Variants in TEX9 observed in about 807,000 individuals in gnomAD.
TEX9 encodes the protein testis expressed 9, also known as testis-expressed protein 9.
Under a neutral mutation model 59.6 loss-of-function variants are expected in TEX9, and 74 were observed. The ratio of observed to expected loss-of-function variants is 1.24; its 90% CI spans 1.03 to 1.51. The LOEUF is 1.51. TEX9 is among the 40% of genes most tolerant of loss of function. TEX9 has a pLI of 0.00. For synonymous variants in TEX9, 186 were observed against 152.2 expected (o/e 1.22, Z -1.64); for missense variants, 522 against 447.8 (o/e 1.17, Z -1.49).
At chr15:56,318,770 A>C (rs2045836205) in intron 1 of TEX9, among the ~76,000 whole-genome samples, 1 of 152,140 alleles carries the variant, frequency 6.6e-6, no homozygotes, top group Admixed American at 6.5e-5. Context: ...ATACCATTGT[A>C]ATTTTAATAG....
rs11852483 is a variant in TEX9, at chr15:56,272,852, A to G, written c.-107+28574A>G. On this transcript the variant is annotated intron_variant, in intron 1 of 5. Transcript: ENST00000560827. ...TCATCTTGCTAGTTGTCTGCTATTT[A>G]TGTAATTTGTCCTTTATTCTCTTTC... 2.3e-3 allele frequency among the ~76,000 whole-genome samples: 353 copies of G among 152,086 alleles called. 1 individual carries two copies. Among genetic ancestry groups the G allele is most frequent in the Non-Finnish European group, 3.8e-3 (259 of 67,978 alleles).
intron 1 of TEX9, among the ~76,000 whole-genome samples, chr15:56,245,235 G>A (rs1434413549): frequency 3.9e-5 from 6 of 152,162 alleles, no homozygotes; most frequent in African/African-American, 1.4e-4. Context: ...TTTGTCCACT[G>A]TGCCCTCTCT....
upstream of TEX9, among the ~76,000 whole-genome samples, chr15:56,361,499 G>A (rs1192849186): frequency 6.6e-6 from 1 of 151,956 alleles, no homozygotes; most frequent in East Asian, 1.9e-4. Context: ...TATTTTGTGG[G>A]TGTCCAGCTG....
intron 1 of TEX9, among the ~76,000 whole-genome samples, chr15:56,312,046 C>T (rs1218804404): frequency 6.6e-6 from 1 of 151,356 alleles, no homozygotes; most frequent in African/African-American, 2.4e-5. Context: ...GGATATTAGC[C>T]CTTTGTCAGA....
chr15:56,339,244 G>A (rs1337509993), intron 1 of TEX9, among the ~76,000 whole-genome samples: 6 of 151,334 alleles, frequency 4.0e-5, no homozygotes, highest in African/African-American at 1.5e-4. Flanking sequence ...TTAGCCGGGT[G>A]TGGTGGTGTG....
chr15:56,291,360 A>T (rs2045085795), intron 1 of TEX9, among the ~76,000 whole-genome samples: 1 of 152,198 alleles, frequency 6.6e-6, no homozygotes, highest in Non-Finnish European at 1.5e-5. Flanking sequence ...TACCTTGTGG[A>T]GACCTCTTAC....
intron 2 of TEX9, among the ~76,000 whole-genome samples, chr15:56,371,461 A>ATT (rs11336443): frequency 1.9e-3 from 283 of 148,944 alleles, no homozygotes; most frequent in African/African-American, 6.7e-3. Context: ...TTCTAAGTGC[A>ATT]TTTTTTTTTT....
chr15:56,443,993 G>C, intron 12 of TEX9: 1 of 686,012 alleles, frequency 1.5e-6, no homozygotes, highest in Non-Finnish European at 2.3e-6. Flanking sequence ...AATGCTTACT[G>C]TGTGCTAAAT....
intron 9 of TEX9, among the ~76,000 whole-genome samples, chr15:56,409,314 T>C (rs1228202085): frequency 6.6e-6 from 1 of 152,132 alleles, no homozygotes; most frequent in East Asian, 1.9e-4. Context: ...AAGTAAAGCT[T>C]ACAAGGTTCA....
chr15:56,444,794 G>C lies in TEX9; in HGVS notation c.*30-877G>C, dbSNP rs2050879978. On this transcript the variant is annotated intron_variant, in intron 12 of 12. Transcript: ENST00000352903. ...TTACATAAAATAAATTTTTTCATCT[G>C]TCTAGGTTAAAAAGCAAAAGTAAGT... 4.4e-6 allele frequency: 4 copies of C among 913,710 alleles called. No individual in the cohort carries two copies. In the South Asian group the frequency reaches 7.1e-5, roughly 16 times the overall value. 56.6% of individuals were successfully genotyped at this position (913,710 alleles called of 1,614,324 possible). A position where few individuals can be genotyped will look rare whatever the true frequency, so the allele number is the denominator to read the frequency against.
At chr15:56,301,138 C>T (rs577794400) in intron 1 of TEX9, among the ~76,000 whole-genome samples, 4 of 152,006 alleles carry the variant, frequency 2.6e-5, no homozygotes, top group Non-Finnish European at 4.4e-5. Flanking sequence ...TTCAGAATTC[C>T]GTCAGGTTAA....
At chr15:56,364,104 T>C (rs1367807136), upstream of TEX9, among the ~76,000 whole-genome samples, 1 of 152,200 alleles carries the variant, frequency 6.6e-6, no homozygotes, top group East Asian at 1.9e-4. Context: ...CTTTTGAAAC[T>C]AAAGGTTTTT....
intron 1 of TEX9, among the ~76,000 whole-genome samples, chr15:56,345,550 A>G (rs2046455117): frequency 6.6e-6 from 1 of 152,116 alleles, no homozygotes; most frequent in African/African-American, 2.4e-5. Context: ...CAGCCTCCCA[A>G]GTAGGCTGGG....
intron 1 of TEX9, chr15:56,323,765 GAA>G (rs58869368): frequency 1.5e-5 from 2 of 132,324 alleles, no homozygotes; most frequent in African/African-American, 7.8e-5. Context: ...AGAAGGAGGA[GAA>G]GGAGAGGGAG....
chr15:56,293,461 C>G (rs2045143667), intron 1 of TEX9, among the ~76,000 whole-genome samples: 1 of 152,124 alleles, frequency 6.6e-6, no homozygotes, highest in Non-Finnish European at 1.5e-5. Context: ...AAAGAATTTT[C>G]CAAAGAGAGG....
chr15:56,446,922 C>A (rs371046755), downstream of TEX9: 65 of 1,608,464 alleles, frequency 4.0e-5, no homozygotes, highest in Middle Eastern at 1.6e-4. Context: ...TTAATTTCTT[C>A]TCCAATTCTC....
At chr15:56,343,305 ATATCAATTTTTTAAC>A (rs2046407239) in intron 1 of TEX9, among the ~76,000 whole-genome samples, 1 of 152,148 alleles carries the variant, frequency 6.6e-6, no homozygotes, top group Non-Finnish European at 1.5e-5. Context: ...GAAAGGCTAC[ATATCAATTTTTTAAC>A]TTTCAAATAA....
In TEX9 at chr15:56,258,065, T is replaced by C. The variant is rs140672051; in HGVS notation, c.-107+13787T>C. 9.6e-3 allele frequency among the ~76,000 whole-genome samples: 1,459 copies of C among 152,266 alleles called. 9 individuals carry two copies. The highest frequency in any genetic ancestry group is 0.014 in the Non-Finnish European group (961 of 68,024). On this transcript the variant is annotated intron_variant, in intron 1 of 5. Transcript: ENST00000560827. ...TAGGGAATGCTTTCCCCATTGCTTGTTTTTGTCAGGTTTGTCAAAGATCAG... is the reference window on the plus strand; with the variant it reads ...TAGGGAATGCTTTCCCCATTGCTTGCTTTTGTCAGGTTTGTCAAAGATCAG...
chr15:56,442,660 T>C (rs2050838318), intron 12 of TEX9, among the ~76,000 whole-genome samples: 9 of 152,172 alleles, frequency 5.9e-5, no homozygotes, highest in Admixed American at 5.9e-4. Flanking sequence ...ATACTACATG[T>C]CTTCACATAC....
Sources: gnomAD v4.1 joint callset for allele counts (sites outside exome capture counted in the v4.1 genomes callset) on GRCh38, gnomAD v4.1.1 for gene constraint, MANE v1.5 for transcripts, NCBI Gene and HGNC (gene_info 2026-07-23, HGNC 2026-07-21) for gene names.